GDPD5: variants seen among roughly 807,000 people sequenced by gnomAD.
The protein encoded by GDPD5 is glycerophosphodiester phosphodiesterase 2.
GDPD5 carries 48 observed loss-of-function variants against 75.1 expected under a neutral mutation model. The ratio of observed to expected loss-of-function variants is 0.64; its 90% CI spans 0.51 to 0.81. The LOEUF is 0.81. GDPD5 is among the 40% of genes least tolerant of loss of function. The pLI, the probability that GDPD5 is intolerant of heterozygous loss-of-function variation, is 0.00. For missense variants in GDPD5, 706 were observed against 822.6 expected, an observed-to-expected ratio of 0.86 and a Z score of 1.73; for synonymous variants, 336 against 339.0, an observed-to-expected ratio of 0.99 and a Z score of 0.10.
intron 9 of GDPD5, among the ~76,000 whole-genome samples, chr11:75,445,361 G>T (rs1467363359): frequency 2.6e-5 from 4 of 152,194 alleles, no homozygotes; most frequent in Admixed American, 2.6e-4. Context: ...CTGACTTTGG[G>T]TATATTTCTC....
chr11:75,437,067 G>C lies in GDPD5; in HGVS notation c.1557-19C>G, dbSNP rs183462310. The C allele has an allele frequency of 7.6e-6, 12 of 1,588,328 alleles. No individual in the cohort carries two copies. The Admixed American group carries it at 2.0e-4, about 27-fold the overall frequency. ...GCGCCACCTGCAGAGATGGCCCCGT[G>C]GGCATCAGGTCTCTCCTCAGCCCTC... On this transcript the variant is annotated intron_variant, in intron 15 of 16. Coordinates refer to ENST00000336898, the MANE Select transcript of GDPD5 (RefSeq NM_030792.8).
In GDPD5 at chr11:75,496,142, C is replaced by T. The variant is rs114608802; in HGVS notation, c.-144-5822G>A. The stretch of plus-strand genomic sequence containing the variant: ...TCTTCCAACCCCAGTTCTTGTTACA[C>T]TATCCCCCTGGAAAGGGAGCCGGCT... On this transcript the variant is annotated intron_variant, in intron 1 of 16. Coordinates refer to ENST00000336898, the MANE Select transcript of GDPD5 (RefSeq NM_030792.8). Among the ~76,000 whole-genome samples, 814 of 152,340 alleles carry T rather than the reference C, an allele frequency of 5.3e-3. 11 individuals are homozygous for T. Among genetic ancestry groups the T allele is most frequent in the African/African-American group, 0.019 (773 of 41,574 alleles).
At chr11:75,490,030 G>A (rs1950081550) in intron 2 of GDPD5, among the ~76,000 whole-genome samples, 1 of 152,146 alleles carries the variant, frequency 6.6e-6, no homozygotes, top group African/African-American at 2.4e-5. Context: ...TGGGCTCTCA[G>A]ACAAGTATCT....
chr11:75,473,932 C>A (rs1159028073), intron 3 of GDPD5, among the ~76,000 whole-genome samples: 3 of 152,224 alleles, frequency 2.0e-5, no homozygotes, highest in African/African-American at 7.2e-5. Flanking sequence ...TGTTCCCCCA[C>A]AAGCCTGGGG....
chr11:75,456,886 C>T (rs1014459581), intron 5 of GDPD5, 70 bp from the exon 6 acceptor site: 3 of 1,472,090 alleles, frequency 2.0e-6, no homozygotes, highest in African/African-American at 1.4e-5. Flanking sequence ...TTCTCAGACA[C>T]CCTGCTCCCC....
chr11:75,509,927 G>A (rs573608551), intron 1 of GDPD5, among the ~76,000 whole-genome samples: 7 of 152,294 alleles, frequency 4.6e-5, no homozygotes, highest in Admixed American at 2.6e-4. Flanking sequence ...TGATCTGCCC[G>A]CCTCGGCCTC....
chr11:75,511,124 T>C (rs1950510250), intron 1 of GDPD5, among the ~76,000 whole-genome samples: 1 of 152,188 alleles, frequency 6.6e-6, no homozygotes, highest in South Asian at 2.1e-4. Flanking sequence ...ATATGTTCTT[T>C]TGGTGGATGA....
chr11:75,441,475 C>G (rs982334202), intron 13 of GDPD5, among the ~76,000 whole-genome samples, 165 bp from the exon 14 acceptor site: 2 of 152,226 alleles, frequency 1.3e-5, no homozygotes, highest in African/African-American at 4.8e-5. Flanking sequence ...GTCTGCCCGA[C>G]ACGCTCACCC....
chr11:75,476,046 C>T (rs770787763), intron 3 of GDPD5, among the ~76,000 whole-genome samples: 18 of 152,184 alleles, frequency 1.2e-4, no homozygotes, highest in Non-Finnish European at 2.1e-4. Context: ...CCAGCATCTG[C>T]CCTGATGGCC....
chr11:75,509,466 C>T (rs1399342897), intron 1 of GDPD5, among the ~76,000 whole-genome samples: 1 of 152,196 alleles, frequency 6.6e-6, no homozygotes, highest in Non-Finnish European at 1.5e-5. Flanking sequence ...GGAGCACTTC[C>T]TGAAAAGAGG....
intron 1 of GDPD5, among the ~76,000 whole-genome samples, chr11:75,510,008 C>A (rs1222775102): frequency 2.6e-5 from 4 of 152,240 alleles, no homozygotes; most frequent in African/African-American, 9.6e-5. Context: ...GGAAGCAGAG[C>A]TCCCTCCCCG....
Position 75,435,219 on chromosome 11 carries a change from G to C in GDPD5, c.*288C>G, listed in dbSNP as rs893489466. On this transcript the variant is annotated 3_prime_UTR_variant, in exon 17 of 17. Coordinates refer to ENST00000336898, the MANE Select transcript of GDPD5 (RefSeq NM_030792.8). ...TGACCCATCAAAGCTTCCAGGTCGGGATACAGGAGAGGGCCTCAGAAGAGG... is the reference window on the plus strand; with the variant it reads ...TGACCCATCAAAGCTTCCAGGTCGGCATACAGGAGAGGGCCTCAGAAGAGG... 6.0e-6 allele frequency: 2 copies of C among 332,780 alleles called. No individual in the cohort carries two copies. The highest frequency in any genetic ancestry group is 4.1e-5 in the African/African-American group (2 of 48,222). 20.6% of individuals were successfully genotyped at this position (332,780 alleles called of 1,614,324 possible).
intron 3 of GDPD5, among the ~76,000 whole-genome samples, chr11:75,471,079 C>A (rs1949652171): frequency 6.6e-6 from 1 of 152,220 alleles, no homozygotes; most frequent in Non-Finnish European, 1.5e-5. Context: ...CCTGAATCTG[C>A]CACCTGCAAG....
chr11:75,459,618 C>T (rs1949368869), intron 4 of GDPD5, among the ~76,000 whole-genome samples: 1 of 151,978 alleles, frequency 6.6e-6, no homozygotes, highest in East Asian at 1.9e-4. Context: ...GTCAGGAGAT[C>T]AAGACCACGG....
intron 1 of GDPD5, among the ~76,000 whole-genome samples, chr11:75,505,138 CA>C (rs1001421335): frequency 6.6e-6 from 1 of 150,426 alleles, no homozygotes; most frequent in African/African-American, 2.4e-5. Context: ...AAAAAAACAA[CA>C]AAAAAAACCT....
chr11:75,435,426 C>G lies in GDPD5; in HGVS notation c.*81G>C, dbSNP rs1352849347. 53 of 1,355,962 alleles carry G rather than the reference C, an allele frequency of 3.9e-5. No homozygotes were observed. Among genetic ancestry groups the G allele is most frequent in the Admixed American group, 2.2e-5 (1 of 44,576 alleles). The allele number at this position is 1,355,962 out of a possible 1,614,324, so 84.0% of individuals were successfully genotyped here. The stretch of plus-strand genomic sequence containing the variant: ...TGTGGAGCCCGCTCCCAGAGCACTC[C>G]GAGTTCAGACACACTTCCACCAGCT... On this transcript the variant is annotated 3_prime_UTR_variant, in exon 17 of 17. Transcript: ENST00000336898.
At chr11:75,478,503 T>C (rs1035889880) in intron 2 of GDPD5, among the ~76,000 whole-genome samples, 2 of 152,236 alleles carry the variant, frequency 1.3e-5, no homozygotes, top group Non-Finnish European at 2.9e-5. Flanking sequence ...CTGTAGCCCC[T>C]TCCCACATTC....
intron 1 of GDPD5, among the ~76,000 whole-genome samples, chr11:75,503,051 C>T (rs1333085482): frequency 6.6e-6 from 1 of 152,314 alleles, no homozygotes; most frequent in Non-Finnish European, 1.5e-5. Flanking sequence ...GACTGAGTCT[C>T]GCTTTATCGC....
rs1349851780 is a variant in GDPD5, at chr11:75,462,848, G to A, written c.159C>T (p.Gly53=). 11 of 1,614,048 alleles carry A rather than the reference G, an allele frequency of 6.8e-6. No individual in the cohort carries two copies. The highest frequency in any genetic ancestry group is 9.3e-6 in the Non-Finnish European group (11 of 1,180,010). The change falls in exon 4 of 17, where the codon GGC becomes GGT. Residue 53 remains glycine (G), a synonymous_variant. Transcript: ENST00000336898. The part of the protein sequence containing the change: ...LWFLLLTFTF[G]LTLTWLYFWW... ...AGAAGTAAAGCCAGGTGAGCGTGAG[G>A]CCAAAGGTGAAGGTGAGGAGCAGGA...
Sources: allele counts gnomAD v4.1 joint callset (sites outside exome capture counted in the v4.1 genomes callset), GRCh38; gene constraint gnomAD v4.1.1; transcripts MANE v1.5; gene names NCBI Gene and HGNC (gene_info 2026-07-23, HGNC 2026-07-21).